The following ARHGAP40 variants were observed in gnomAD, a reference collection of about 807,000 sequenced individuals.
ARHGAP40 encodes the protein rho GTPase-activating protein 40.
Under a neutral mutation model 73.5 loss-of-function variants are expected in ARHGAP40, and 43 were observed. That is an observed-to-expected ratio of 0.58 (90% CI 0.46 to 0.75). ARHGAP40 has a LOEUF of 0.75. Ranked by LOEUF, ARHGAP40 falls within the 30% of genes least tolerant of loss-of-function variation. The pLI, the probability that ARHGAP40 is intolerant of heterozygous loss-of-function variation, is 0.00. For synonymous variants in ARHGAP40, 300 were observed against 352.8 expected (o/e 0.85, Z 1.68); for missense variants, 734 against 861.8 (o/e 0.85, Z 1.86).
At chr20:38,627,440 TG>T (rs554967007) in intron 3 of ARHGAP40, among the ~76,000 whole-genome samples, 146 of 139,034 alleles carry the variant, frequency 1.1e-3, no homozygotes, top group Middle Eastern at 7.9e-3. Flanking sequence ...TTGTCTGTGT[TG>T]GGGGTGTGTG....
chr20:38,634,812 C>G (rs1470448935), intron 6 of ARHGAP40, 27 bp downstream of exon 6: 4 of 1,247,434 alleles, frequency 3.2e-6, no homozygotes, highest in Non-Finnish European at 2.1e-6. Context: ...CAGGGAAAGC[C>G]CTGTGGCCAC....
chr20:38,606,638 C>T (rs2088771839), intron 1 of ARHGAP40, among the ~76,000 whole-genome samples: 1 of 152,130 alleles, frequency 6.6e-6, no homozygotes, highest in Non-Finnish European at 1.5e-5. Flanking sequence ...GGCAGAAAGA[C>T]CCATTTTGAG....
intron 6 of ARHGAP40, among the ~76,000 whole-genome samples, chr20:38,636,269 T>A (rs1302528691): frequency 2.2e-4 from 34 of 151,510 alleles, no homozygotes; most frequent in South Asian, 4.2e-4. Flanking sequence ...TATTTATTTT[T>A]TTTTTTTTTT....
At position 38,603,407 on chromosome 20, in the gene ARHGAP40, G is replaced by C. The variant is rs202086510; in HGVS notation, c.137+1328G>C. On this transcript the variant is annotated intron_variant, in intron 1 of 14. Coordinates refer to ENST00000373345, the Ensembl canonical transcript of ARHGAP40. ...AAGCCAAAGACAAGTTTGTTTATCTGTCTATCTATCTATCTATCTATCTAT... is the reference window on the plus strand; with the variant it reads ...AAGCCAAAGACAAGTTTGTTTATCTCTCTATCTATCTATCTATCTATCTAT... Among the ~76,000 whole-genome samples the C allele has an allele frequency of 3.9e-5, 5 of 129,466 alleles. No individual in the cohort carries two copies. The East Asian group carries it at 1.2e-3, about 31-fold the overall frequency. The allele number at this position is 129,466 out of a possible 152,430, so 84.9% of individuals were successfully genotyped here.
chr20:38,639,110 G>A (rs2088996615), intron 8 of ARHGAP40, 117 bp from the exon 9 acceptor site: 2 of 1,075,366 alleles, frequency 1.9e-6, no homozygotes, highest in Non-Finnish European at 2.5e-6. Context: ...CCCCACGAGG[G>A]AGGTGCTCTT....
At chr20:38,648,614 T>G (rs1286994864) in intron 13 of ARHGAP40, 29 bp from the exon 14 acceptor site, 3 of 1,244,612 alleles carry the variant, frequency 2.4e-6, no homozygotes, top group Non-Finnish European at 3.2e-6. Context: ...AAGGCAGTAG[T>G]TTTTTTTTTC....
chr20:38,623,591 G>A (rs1231913129), intron 2 of ARHGAP40, 33 bp downstream of exon 2: 2 of 1,256,446 alleles, frequency 1.6e-6, no homozygotes, highest in African/African-American at 1.5e-5. Flanking sequence ...TATAGGGGTG[G>A]TGGGAGGGCT....
chr20:38,638,936 A>T, intron 8 of ARHGAP40, 98 bp downstream of exon 8: 1 of 1,121,910 alleles, frequency 8.9e-7, no homozygotes, highest in South Asian at 1.3e-5. Context: ...CTCGCCAGTG[A>T]TCTGTCTTTG....
intron 1 of ARHGAP40, chr20:38,614,941 G>A (rs887163707): frequency 9.1e-6 from 12 of 1,317,828 alleles, no homozygotes; most frequent in Admixed American, 3.4e-5. Flanking sequence ...AGTACTCTCC[G>A]AAGGCTGGAG....
At chr20:38,609,309 T>A (rs2088791331) in intron 1 of ARHGAP40, among the ~76,000 whole-genome samples, 1 of 152,126 alleles carries the variant, frequency 6.6e-6, no homozygotes, top group Admixed American at 6.5e-5. Flanking sequence ...CAAACACAGA[T>A]TGCTGCACCC....
At chr20:38,638,803 A>T in exon 8 of ARHGAP40, 1 of 1,305,454 alleles carries the variant, frequency 7.7e-7, no homozygotes, top group Non-Finnish European at 1.0e-6. Context: ...CATGGAAGGC[A>T]TTCTCAGGGT....
At chr20:38,604,245 C>G (rs948318128) in intron 1 of ARHGAP40, among the ~76,000 whole-genome samples, 1 of 152,162 alleles carries the variant, frequency 6.6e-6, no homozygotes, top group African/African-American at 2.4e-5. Flanking sequence ...ATTGAATTCA[C>G]TATAAGAGCT....
intron 10 of ARHGAP40, 99 bp downstream of exon 10, chr20:38,641,907 C>T (rs1236085633): frequency 3.2e-6 from 3 of 948,850 alleles, no homozygotes; most frequent in Non-Finnish European, 4.2e-6. Context: ...CATTCAACAA[C>T]TCTGCCAGGT....
intron 1 of ARHGAP40, among the ~76,000 whole-genome samples, chr20:38,622,008 C>T (rs1040827204): frequency 1.3e-5 from 2 of 152,060 alleles, no homozygotes; most frequent in African/African-American, 4.8e-5. Flanking sequence ...TGAGTCATAT[C>T]GCACCACTGC....
intron 1 of ARHGAP40, among the ~76,000 whole-genome samples, chr20:38,606,808 C>T (rs1011413803): frequency 2.0e-5 from 3 of 152,230 alleles, no homozygotes; most frequent in African/African-American, 7.2e-5. Context: ...TCAATGTCAA[C>T]TGATCTCTCC....
intron 6 of ARHGAP40, among the ~76,000 whole-genome samples, chr20:38,635,945 T>A (rs761496112): frequency 5.9e-5 from 9 of 152,140 alleles, no homozygotes; most frequent in Non-Finnish European, 1.0e-4. Flanking sequence ...TGAGTGTAGG[T>A]CTGCTCACAG....
chr20:38,628,600 G>A (rs1172955768), intron 3 of ARHGAP40, among the ~76,000 whole-genome samples: 1 of 152,206 alleles, frequency 6.6e-6, no homozygotes, highest in African/African-American at 2.4e-5. Context: ...CACCACGCCC[G>A]GCTGGCACAA....
intron 1 of ARHGAP40, among the ~76,000 whole-genome samples, chr20:38,606,780 A>C (rs1454100163): frequency 6.6e-6 from 1 of 152,206 alleles, no homozygotes; most frequent in East Asian, 1.9e-4. Context: ...TGTGTAGCTC[A>C]AGTCTCTGCC....
chr20:38,603,788 A>C (rs2088754858), intron 1 of ARHGAP40, among the ~76,000 whole-genome samples: 1 of 152,184 alleles, frequency 6.6e-6, no homozygotes, highest in Non-Finnish European at 1.5e-5. Context: ...CAGCTTCTGC[A>C]GCTGCCCACA....
Sources: allele counts gnomAD v4.1 joint callset (sites outside exome capture counted in the v4.1 genomes callset), GRCh38; gene constraint gnomAD v4.1.1; transcripts MANE v1.5; gene names NCBI Gene and HGNC (gene_info 2026-07-23, HGNC 2026-07-21).